The following MYL4 variants were observed in gnomAD, a reference collection of about 807,000 sequenced individuals.
MYL4 encodes the protein atrial myosin light chain 1.
Under a neutral mutation model 21.6 loss-of-function variants are expected in MYL4, and 16 were observed. The observed-to-expected ratio is 0.74, with a 90% CI of 0.50 to 1.12. MYL4 has a LOEUF of 1.12. MYL4 is among the 50% of genes most tolerant of loss of function. The pLI is 0.00. For synonymous variants in MYL4, 82 were observed against 95.7 expected (o/e 0.86, Z 0.83); for missense variants, 249 against 252.9 (o/e 0.98, Z 0.11).
At chr17:47,222,803 A>G (rs1474456365) in intron 5 of MYL4, among the ~76,000 whole-genome samples, 1 of 152,110 alleles carries the variant, frequency 6.6e-6, no homozygotes, top group Non-Finnish European at 1.5e-5. Context: ...TGTGTTGAGA[A>G]TCAGCATAGA....
At chr17:47,203,714 T>C (rs1021962571) in intron 1 of MYL4, among the ~76,000 whole-genome samples, 2 of 152,218 alleles carry the variant, frequency 1.3e-5, no homozygotes, top group African/African-American at 4.8e-5. Context: ...TGAGTTGTGC[T>C]ATTCAGGTGT....
At chr17:47,190,842 G>A in the MYL4 span, among the ~76,000 whole-genome samples, 1 of 152,214 alleles carries the variant, frequency 6.6e-6, no homozygotes, top group Non-Finnish European at 1.5e-5. Flanking sequence ...CAAGGATTCA[G>A]TAGCCCTGTA....
chr17:47,213,921 T>C lies in MYL4; in HGVS notation c.163+95T>C, dbSNP rs759682207. ...AGAGGAGGAGTAGTTGTCCTCATGGTAATAGTAATCACTGTCATCATCATA... is the reference window on the plus strand; with the variant it reads ...AGAGGAGGAGTAGTTGTCCTCATGGCAATAGTAATCACTGTCATCATCATA... On this transcript the variant is annotated intron_variant, in intron 2 of 6. Coordinates refer to ENST00000393450, the MANE Select transcript of MYL4 (RefSeq NM_002476.2). 15 of 1,389,036 alleles carry C rather than the reference T, an allele frequency of 1.1e-5. No homozygotes were observed. In the Admixed American group the frequency reaches 1.2e-4, roughly 11 times the overall value. 86.0% of individuals were successfully genotyped at this position (1,389,036 alleles called of 1,614,324 possible).
At chr17:47,221,657 C>A in intron 3 of MYL4, 25 bp from the exon 4 acceptor site, 1 of 1,599,590 alleles carries the variant, frequency 6.3e-7, no homozygotes, top group Admixed American at 1.7e-5. Flanking sequence ...ATTGATTTCT[C>A]TTTCTTTACC....
chr17:47,200,998 C>G (rs2064707202), intron 1 of MYL4, among the ~76,000 whole-genome samples: 2 of 152,092 alleles, frequency 1.3e-5, no homozygotes, highest in South Asian at 2.1e-4. Context: ...ATGGTGAAAC[C>G]CTGTCTCTAC....
chr17:47,200,897 C>T (rs1360783915), intron 1 of MYL4, among the ~76,000 whole-genome samples: 1 of 152,162 alleles, frequency 6.6e-6, no homozygotes, highest in Admixed American at 6.5e-5. Context: ...GTTGGCTGGG[C>T]GCTATGGCTC....
intron 2 of MYL4, 30 bp downstream of exon 2, chr17:47,213,856 T>G: frequency 6.2e-7 from 1 of 1,611,466 alleles, no homozygotes; most frequent in East Asian, 2.2e-5. Flanking sequence ...CCTCTCCGTC[T>G]CTATTGCACT....
chr17:47,201,290 T>C (rs2064708551), intron 1 of MYL4, among the ~76,000 whole-genome samples: 1 of 152,218 alleles, frequency 6.6e-6, no homozygotes, highest in African/African-American at 2.4e-5. Context: ...CTGGGCCTTA[T>C]GAATTATTGA....
chr17:47,207,336 G>T (rs891383226), upstream of MYL4, among the ~76,000 whole-genome samples: 1 of 152,322 alleles, frequency 6.6e-6, no homozygotes, highest in Middle Eastern at 3.4e-3. Flanking sequence ...GAATTAGTTG[G>T]CCCAGCTCTG....
At position 47,221,761 on chromosome 17, in the gene MYL4, C is replaced by A. The variant is rs1271247073; in HGVS notation, c.393C>A (p.Thr131=). Residue 131 remains threonine (T), a synonymous_variant, in exon 4 of 7, where the codon ACC becomes ACA. Coordinates refer to ENST00000393450, the MANE Select transcript of MYL4 (RefSeq NM_002476.2). ...TTTCCCGCAACAAGGAGCAGGGCAC[C>A]TATGAGGACTTCGTGGAGGGCCTGC... is the stretch of plus-strand genomic sequence containing the variant. ...QHISRNKEQG[T]YEDFVEGLRV... 1 of 1,614,196 alleles carries A rather than the reference C, an allele frequency of 6.2e-7. No individual in the cohort carries two copies. The highest frequency in any genetic ancestry group is 8.5e-7 in the Non-Finnish European group (1 of 1,180,026).
intron 1 of MYL4, chr17:47,209,825 G>A (rs2064760137): frequency 7.2e-6 from 4 of 556,622 alleles, no homozygotes; most frequent in Non-Finnish European, 1.3e-5. Flanking sequence ...AGTTGGGAAT[G>A]GGGGGAGGTA....
At chr17:47,202,381 T>C (rs901046343) in intron 1 of MYL4, among the ~76,000 whole-genome samples, 5 of 152,242 alleles carry the variant, frequency 3.3e-5, no homozygotes, top group South Asian at 4.1e-4. Flanking sequence ...ACACTTAATC[T>C]GTATTTAGAT....
the MYL4 span, among the ~76,000 whole-genome samples, chr17:47,189,938 G>A: frequency 6.6e-6 from 1 of 151,874 alleles, no homozygotes; most frequent in Non-Finnish European, 1.5e-5. Flanking sequence ...AATTCAGAGA[G>A]GGCAATTGTG....
At chr17:47,219,863 C>A (rs758873491) in intron 2 of MYL4, 41 bp from the exon 3 acceptor site, 1 of 1,613,844 alleles carries the variant, frequency 6.2e-7, no homozygotes, top group Non-Finnish European at 8.5e-7. Flanking sequence ...CCACCACCTT[C>A]ACTGGGGATT....
At chr17:47,201,959 G>T (rs188179832) in intron 1 of MYL4, among the ~76,000 whole-genome samples, 8 of 152,182 alleles carry the variant, frequency 5.3e-5, no homozygotes, top group Non-Finnish European at 1.0e-4. Flanking sequence ...ATTTCAACAT[G>T]TAATCAATAT....
At chr17:47,197,706 A>G (rs2064694702), upstream of MYL4, among the ~76,000 whole-genome samples, 1 of 152,166 alleles carries the variant, frequency 6.6e-6, no homozygotes, top group South Asian at 2.1e-4. Context: ...ATAAAATAGG[A>G]TTTGTGTTAG....
Position 47,209,393 on chromosome 17 carries a change from C to T in MYL4, c.-30C>T, listed in dbSNP as rs781256182. 1 of 1,614,136 alleles carries T rather than the reference C, an allele frequency of 6.2e-7. No individual in the cohort carries two copies. The highest frequency in any genetic ancestry group is 1.1e-5 in the South Asian group (1 of 91,086). ...CGTCTCTCGGTTTCTTCTTAGATCACTCCTCTGCCAAAGATCCCAACAAGA... is the reference window on the plus strand; with the variant it reads ...CGTCTCTCGGTTTCTTCTTAGATCATTCCTCTGCCAAAGATCCCAACAAGA... On this transcript the variant is annotated 5_prime_UTR_variant, in exon 1 of 7. Transcript: ENST00000393450.
the MYL4 span, among the ~76,000 whole-genome samples, chr17:47,192,633 G>A: frequency 5.9e-5 from 9 of 151,818 alleles, no homozygotes; most frequent in Admixed American, 3.9e-4. Context: ...CTGGGTGACA[G>A]TGCAAGACTG....
the MYL4 span, among the ~76,000 whole-genome samples, chr17:47,192,093 G>A: frequency 6.6e-6 from 1 of 152,074 alleles, no homozygotes; most frequent in African/African-American, 2.4e-5. Context: ...GGTGGCTCAC[G>A]CCTGTAATCC....
Sources: gnomAD v4.1 joint callset for allele counts (sites outside exome capture counted in the v4.1 genomes callset) on GRCh38, gnomAD v4.1.1 for gene constraint, MANE v1.5 for transcripts, NCBI Gene and HGNC (gene_info 2026-07-23, HGNC 2026-07-21) for gene names.